Variants in CDC14B observed in about 807,000 individuals in gnomAD.
The protein encoded by CDC14B is cell division cycle 14B, also known as dual specificity protein phosphatase CDC14B.
A neutral mutation model predicts 64.2 loss-of-function variants in CDC14B; 22 were observed. The ratio of observed to expected loss-of-function variants is 0.34; its 90% CI spans 0.24 to 0.49. The LOEUF is 0.49. CDC14B is among the 20% of genes least tolerant of loss of function. The pLI, the probability that CDC14B is intolerant of heterozygous loss-of-function variation, is 0.99. For missense variants in CDC14B, 498 were observed against 629.9 expected, an observed-to-expected ratio of 0.79 and a Z score of 2.24; for synonymous variants, 191 against 215.8, an observed-to-expected ratio of 0.89 and a Z score of 1.01.
intron 12 of CDC14B, among the ~76,000 whole-genome samples, chr9:96,516,691 G>A (rs1423629962): frequency 6.6e-6 from 1 of 152,088 alleles, no homozygotes; most frequent in Non-Finnish European, 1.5e-5. Context: ...GGCCAGGCTG[G>A]TCTCAAACTC....
chr9:96,521,118 G>A (rs1027587156), intron 12 of CDC14B, among the ~76,000 whole-genome samples: 30 of 152,274 alleles, frequency 2.0e-4, no homozygotes, highest in African/African-American at 7.0e-4. Flanking sequence ...CACCCAGGCT[G>A]GAGTGCAATG....
intron 4 of CDC14B, among the ~76,000 whole-genome samples, chr9:96,561,871 C>T (rs12337345): frequency 0.026 from 3,892 of 152,154 alleles, 156 homozygotes; most frequent in African/African-American, 0.087. Context: ...CCCCTGGCTA[C>T]TCCCCACTGA....
rs555751021 is a variant in CDC14B at position 96,519,366 on chromosome 9, G to C, written c.1343+3140C>G. 1.4e-4 allele frequency among the ~76,000 whole-genome samples: 21 copies of C among 152,120 alleles called. 1 individual carries two copies. The South Asian group carries it at 2.7e-3, about 20-fold the overall frequency. ...GGTTTCCTGTCATCATTGTAGTCAG[G>C]ATCAGACAGGCTGAGCAAATGGCCA... On this transcript the variant is annotated intron_variant, in intron 12 of 13. Coordinates refer to ENST00000375241, the MANE Select transcript of CDC14B (RefSeq NM_033331.4).
intron 9 of CDC14B, among the ~76,000 whole-genome samples, chr9:96,532,558 C>T (rs1057133207): frequency 1.4e-4 from 22 of 152,130 alleles, no homozygotes; most frequent in Admixed American, 1.4e-3. Context: ...TGCTCCTTTA[C>T]TTCTCTTCTC....
chr9:96,537,935 A>G (rs16911147), intron 7 of CDC14B, among the ~76,000 whole-genome samples: 7,922 of 152,054 alleles, frequency 0.052, 700 homozygotes, highest in African/African-American at 0.18. Flanking sequence ...GCCCAGGCTG[A>G]TCTCAAACTC....
intron 1 of CDC14B, chr9:96,618,687 GC>G: frequency 2.1e-6 from 1 of 472,000 alleles, no homozygotes; most frequent in Non-Finnish European, 4.2e-6. Flanking sequence ...TCGGGCTTAC[GC>G]GCCGGACGGG....
At chr9:96,606,413 G>A (rs1846933464) in intron 1 of CDC14B, among the ~76,000 whole-genome samples, 1 of 150,772 alleles carries the variant, frequency 6.6e-6, no homozygotes. Context: ...GCCAGGTGCA[G>A]TGCTCATGCT....
At chr9:96,568,884 T>G (rs1844311676) in intron 1 of CDC14B, among the ~76,000 whole-genome samples, 1 of 150,240 alleles carries the variant, frequency 6.7e-6, no homozygotes, top group Non-Finnish European at 1.5e-5. Context: ...GCCTTTGCAC[T>G]CCAGCCTGGG....
chr9:96,566,535 C>T (rs1278561837), intron 1 of CDC14B, among the ~76,000 whole-genome samples: 1 of 152,212 alleles, frequency 6.6e-6, no homozygotes, highest in Non-Finnish European at 1.5e-5. Flanking sequence ...ATCTCGCTCC[C>T]GCGGGCGGGG....
intron 1 of CDC14B, among the ~76,000 whole-genome samples, chr9:96,599,155 G>A (rs562600086): frequency 5.9e-5 from 9 of 152,228 alleles, no homozygotes; most frequent in East Asian, 5.8e-4. Flanking sequence ...CAAGGTGGGC[G>A]GATCACCTGA....
At chr9:96,509,614 A>T in intron 13 of CDC14B, 59 bp downstream of exon 13, 1 of 1,025,010 alleles carries the variant, frequency 9.8e-7, no homozygotes, top group South Asian at 1.3e-5. Flanking sequence ...TAGGGTCCAA[A>T]TATTAAACTG....
chr9:96,493,392 T>TG (rs1384784553), intron 13 of CDC14B: 5 of 152,276 alleles, frequency 3.3e-5, no homozygotes, highest in Admixed American at 3.3e-4. Flanking sequence ...CAACCTGGGG[T>TG]GGGCTGCGGG....
At chr9:96,603,439 G>A (rs1846640989) in intron 1 of CDC14B, among the ~76,000 whole-genome samples, 1 of 152,136 alleles carries the variant, frequency 6.6e-6, no homozygotes, top group South Asian at 2.1e-4. Context: ...GAAAAATACA[G>A]GAAGCCTAAC....
At chr9:96,547,295 T>C (rs1446869170) in intron 5 of CDC14B, among the ~76,000 whole-genome samples, 1 of 151,026 alleles carries the variant, frequency 6.6e-6, no homozygotes, top group Non-Finnish European at 1.5e-5. Context: ...CAAAACCCCA[T>C]CTCTACTAAA....
At chr9:96,539,693 A>G (rs1211523072) in intron 6 of CDC14B, among the ~76,000 whole-genome samples, 2 of 152,174 alleles carry the variant, frequency 1.3e-5, no homozygotes, top group African/African-American at 2.4e-5. Flanking sequence ...TAAAATCAAA[A>G]CTTTTGAGGA....
At chr9:96,560,973 G>A (rs1169092376) in intron 4 of CDC14B, among the ~76,000 whole-genome samples, 2 of 151,962 alleles carry the variant, frequency 1.3e-5, no homozygotes, top group African/African-American at 4.8e-5. Flanking sequence ...CTCACTCACT[G>A]TCACCCAGGC....
intron 1 of CDC14B, among the ~76,000 whole-genome samples, chr9:96,595,913 C>T (rs1457336101): frequency 6.6e-6 from 1 of 151,930 alleles, no homozygotes; most frequent in Non-Finnish European, 1.5e-5. Flanking sequence ...ACAAATACTC[C>T]ATTTATTTAA....
rs915711681 is a variant in CDC14B at position 96,500,596 on chromosome 9, T to G, written c.*3157A>C. 7 of 152,614 alleles carry G rather than the reference T, an allele frequency of 4.6e-5. No individual in the cohort carries two copies. The highest frequency in any genetic ancestry group is 8.8e-5 in the Non-Finnish European group (6 of 68,036). The allele number at this position is 152,614 out of a possible 1,614,324, so 9.5% of individuals were successfully genotyped here. On this transcript the variant is annotated 3_prime_UTR_variant, in exon 14 of 14. Coordinates refer to ENST00000375241, the MANE Select transcript of CDC14B (RefSeq NM_033331.4). ...CTGGAGTCATCTCCACTGAGTGACATGGAGAATAACCTGATGTGGGTAAAT... is the reference window on the plus strand; with the variant it reads ...CTGGAGTCATCTCCACTGAGTGACAGGGAGAATAACCTGATGTGGGTAAAT...
intron 13 of CDC14B, 56 bp downstream of exon 13, chr9:96,509,617 T>C (rs1834630665): frequency 9.3e-7 from 1 of 1,069,584 alleles, no homozygotes; most frequent in Non-Finnish European, 1.5e-6. Context: ...GGTCCAAATA[T>C]TAAACTGGAA....
Sources: gnomAD v4.1 joint callset for allele counts (sites outside exome capture counted in the v4.1 genomes callset) on GRCh38, gnomAD v4.1.1 for gene constraint, MANE v1.5 for transcripts, NCBI Gene and HGNC (gene_info 2026-07-23, HGNC 2026-07-21) for gene names.